The following WDR70 variants were observed in gnomAD, a reference collection of about 807,000 sequenced individuals.
WDR70 encodes WD repeat domain 70, also known as WD repeat-containing protein 70.
Under a neutral mutation model 88.6 loss-of-function variants are expected in WDR70, and 53 were observed. That is an observed-to-expected ratio of 0.60 (90% CI 0.48 to 0.75). The LOEUF is 0.75. Ranked by LOEUF, WDR70 falls within the 30% of genes least tolerant of loss-of-function variation. WDR70 has a pLI of 0.00. For missense variants in WDR70, 610 were observed against 823.2 expected, an observed-to-expected ratio of 0.74 and a Z score of 3.17; for synonymous variants, 280 against 270.0, an observed-to-expected ratio of 1.04 and a Z score of -0.36.
rs60584289 is a variant in WDR70, at chr5:37,666,100, C to A, written c.1093-31555C>A. On this transcript the variant is annotated intron_variant, in intron 10 of 17. Transcript: ENST00000265107. Reference sequence around the variant, plus strand: ...CAGTGAATCTCAGGCAGCTGGACTTCAAAGGGGGGCACCGCCGGGCTTTCC... The same window carrying A: ...CAGTGAATCTCAGGCAGCTGGACTTAAAAGGGGGGCACCGCCGGGCTTTCC... Among the ~76,000 whole-genome samples the A allele has an allele frequency of 7.5e-3, 1,143 of 152,326 alleles. 18 individuals are homozygous for A. The highest frequency in any genetic ancestry group is 0.026 in the African/African-American group (1,077 of 41,574).
In WDR70 at chr5:37,605,099, A is replaced by G; in HGVS notation, c.953A>G (p.Lys318Arg). The G allele has an allele frequency of 6.2e-7, 1 of 1,612,614 alleles. No homozygotes were observed. The highest frequency in any genetic ancestry group is 1.1e-5 in the South Asian group (1 of 90,748). The change falls in exon 10 of 18, where the codon AAG (lysine) becomes AGG (arginine). Residue 318 changes from lysine to arginine, a missense_variant. Coordinates refer to ENST00000265107, the MANE Select transcript of WDR70 (RefSeq NM_018034.4). ...VRTWEVENPK[K>R]QKSVFKPRTM... ...ACGTGGGAAGTTGAAAATCCAAAGA[A>G]GCAAAAAAGTGTGTTTAAACCACGG... is the stretch of plus-strand genomic sequence containing the variant.
At chr5:37,642,562 A>G (rs1012659450) in intron 10 of WDR70, among the ~76,000 whole-genome samples, 3 of 152,130 alleles carry the variant, frequency 2.0e-5, no homozygotes, top group African/African-American at 7.2e-5. Context: ...TCAGTTTGGC[A>G]AAAGCTCCAA....
At chr5:37,451,041 G>A (rs1738663533) in intron 7 of WDR70, among the ~76,000 whole-genome samples, 1 of 152,126 alleles carries the variant, frequency 6.6e-6, no homozygotes, top group Admixed American at 6.5e-5. Flanking sequence ...TGGGATTACA[G>A]GCATGTGCCA....
intron 10 of WDR70, among the ~76,000 whole-genome samples, chr5:37,630,570 G>A (rs1744784367): frequency 6.6e-6 from 1 of 152,198 alleles, no homozygotes; most frequent in East Asian, 1.9e-4. Flanking sequence ...CTAGCCCAAG[G>A]ATGGATTTGT....
intron 8 of WDR70, among the ~76,000 whole-genome samples, chr5:37,482,415 T>C (rs1739701320): frequency 6.6e-6 from 1 of 152,200 alleles, no homozygotes; most frequent in Non-Finnish European, 1.5e-5. Context: ...TGGAAAAGCA[T>C]GTCTCACATA....
At chr5:37,390,514 G>T (rs1360005722) in intron 3 of WDR70, among the ~76,000 whole-genome samples, 1 of 149,984 alleles carries the variant, frequency 6.7e-6, no homozygotes, top group African/African-American at 2.5e-5. Flanking sequence ...TAATTTTTTT[G>T]TATTTTTAGT....
At chr5:37,657,532 A>G (rs1745588839) in intron 10 of WDR70, among the ~76,000 whole-genome samples, 1 of 152,202 alleles carries the variant, frequency 6.6e-6, no homozygotes, top group African/African-American at 2.4e-5. Context: ...GGGTAATGAG[A>G]GGGTCTTTTA....
intron 5 of WDR70, among the ~76,000 whole-genome samples, chr5:37,420,359 A>G (rs899550550): frequency 5.3e-5 from 8 of 152,206 alleles, no homozygotes; most frequent in Non-Finnish European, 7.3e-5. Flanking sequence ...TGAAAGTAAA[A>G]TAGTTTCCTT....
chr5:37,449,567 G>C (rs993530007), intron 7 of WDR70, among the ~76,000 whole-genome samples: 1 of 145,522 alleles, frequency 6.9e-6, no homozygotes, highest in African/African-American at 2.6e-5. Flanking sequence ...ACTCCAGCCT[G>C]GGCAACGAGT....
chr5:37,648,917 T>G (rs1745315880), intron 10 of WDR70, among the ~76,000 whole-genome samples: 1 of 152,240 alleles, frequency 6.6e-6, no homozygotes, highest in Non-Finnish European at 1.5e-5. Context: ...AACACATTAA[T>G]TTTTCATTAA....
intron 8 of WDR70, chr5:37,505,877 C>G: frequency 7.4e-7 from 1 of 1,360,032 alleles, no homozygotes; most frequent in Non-Finnish European, 1.1e-6. Flanking sequence ...TTAAGGTAGC[C>G]ACTCTCAAGT....
At chr5:37,588,774 T>C (rs1259594642) in intron 9 of WDR70, among the ~76,000 whole-genome samples, 1 of 151,890 alleles carries the variant, frequency 6.6e-6, no homozygotes, top group Non-Finnish European at 1.5e-5. Flanking sequence ...TATTTATTCA[T>C]TTATTTTGAG....
intron 7 of WDR70, among the ~76,000 whole-genome samples, chr5:37,444,336 CTTT>C (rs70978817): frequency 2.1e-5 from 2 of 94,204 alleles, no homozygotes; most frequent in African/African-American, 7.7e-5. Flanking sequence ...CAGCCTTTCT[CTTT>C]TTTTTTTTTT....
chr5:37,462,229 C>T (rs1460406597), intron 7 of WDR70, among the ~76,000 whole-genome samples: 2 of 151,928 alleles, frequency 1.3e-5, no homozygotes, highest in African/African-American at 4.8e-5. Flanking sequence ...TTTTTGCACC[C>T]TCTGGAGAAT....
intron 8 of WDR70, among the ~76,000 whole-genome samples, chr5:37,489,533 G>A (rs1043381900): frequency 1.3e-5 from 2 of 152,138 alleles, no homozygotes; most frequent in Non-Finnish European, 2.9e-5. Context: ...CAGCCCCTAG[G>A]GGGTGTAGAT....
In WDR70 at chr5:37,649,733, C is replaced by CTTTTTTTTTTTTT. The variant is rs70978834; in HGVS notation, c.1092+44505_1092+44517dup. 2.3e-4 allele frequency among the ~76,000 whole-genome samples: 16 copies of CTTTTTTTTTTTTT among 68,738 alleles called. 2 individuals carry two copies. Among genetic ancestry groups the CTTTTTTTTTTTTT allele is most frequent in the African/African-American group, 8.3e-4 (13 of 15,598 alleles). The allele number at this position is 68,738 out of a possible 152,430, so 45.1% of individuals were successfully genotyped here. A position where few individuals can be genotyped will look rare whatever the true frequency, so the allele number is the denominator to read the frequency against. On this transcript the variant is annotated intron_variant, in intron 10 of 17. Transcript: ENST00000265107. Reference sequence around the variant, plus strand: ...ATATACATTCACGATGTTATTACTTCTTTTTTTTTTTTTTTTTTTTTTGAG... The same window carrying CTTTTTTTTTTTTT: ...ATATACATTCACGATGTTATTACTTCTTTTTTTTTTTTTTTTTTTTTTTTTTTTTTTTTTTGAG...
chr5:37,587,037 A>T (rs1416721335), intron 9 of WDR70, among the ~76,000 whole-genome samples: 3 of 151,988 alleles, frequency 2.0e-5, no homozygotes. Flanking sequence ...TTTTCTCCTC[A>T]CTTTCCCTGT....
intron 9 of WDR70, among the ~76,000 whole-genome samples, chr5:37,562,083 C>T (rs555490713): frequency 1.6e-4 from 24 of 152,208 alleles, no homozygotes; most frequent in African/African-American, 5.3e-4. Flanking sequence ...CTAGGCTGGG[C>T]GCGGTGGCTC....
chr5:37,379,559 G>A lies in WDR70; in HGVS notation c.91+5G>A. The A allele has an allele frequency of 6.2e-7, 1 of 1,613,924 alleles. No individual in the cohort carries two copies. The highest frequency in any genetic ancestry group is 1.1e-5 in the South Asian group (1 of 91,076). ...CCATGGGCTTCACGGGGTTCGGTGA[G>A]TGACTGCCCCAGGCAGAGACCCTCT... On this transcript the variant is annotated splice_donor_5th_base_variant and intron_variant, in intron 2 of 17. Coordinates refer to ENST00000265107, the MANE Select transcript of WDR70 (RefSeq NM_018034.4).
Sources: allele counts gnomAD v4.1 joint callset (sites outside exome capture counted in the v4.1 genomes callset), GRCh38; gene constraint gnomAD v4.1.1; transcripts MANE v1.5; gene names NCBI Gene and HGNC (gene_info 2026-07-23, HGNC 2026-07-21).